TNRC6C: variants seen among roughly 807,000 people sequenced by gnomAD.
TNRC6C encodes the protein trinucleotide repeat containing adaptor 6C.
A neutral mutation model predicts 153.7 loss-of-function variants in TNRC6C; 20 were observed. That is an observed-to-expected ratio of 0.13 (90% CI 0.09 to 0.19). TNRC6C has a LOEUF of 0.19. TNRC6C is among the 10% of genes least tolerant of loss of function. TNRC6C has a pLI of 1.00. For synonymous variants in TNRC6C, 811 were observed against 841.4 expected (o/e 0.96, Z 0.63); for missense variants, 1,987 against 2,172.0 (o/e 0.91, Z 1.69).
chr17:78,052,397 G>A lies in TNRC6C; in HGVS notation c.2395+940G>A, dbSNP rs563491763. ...ATTGGGACCTGCCATGTACTAGGCT[G>A]TACTCTAGTAGCTGGGGAAACTGCA... On this transcript the variant is annotated intron_variant, in intron 3 of 19. Coordinates refer to ENST00000301624, the Ensembl canonical transcript of TNRC6C. 1.1e-4 allele frequency among the ~76,000 whole-genome samples: 16 copies of A among 152,316 alleles called. No homozygotes were observed. The East Asian group carries it at 2.9e-3, about 28-fold the overall frequency.
At chr17:78,080,937 G>A (rs577593309) in intron 10 of TNRC6C, among the ~76,000 whole-genome samples, 1 of 152,264 alleles carries the variant, frequency 6.6e-6, no homozygotes, top group South Asian at 2.1e-4. Context: ...ATTTAAATGT[G>A]TTTAGTTTGT....
upstream of TNRC6C, among the ~76,000 whole-genome samples, chr17:78,001,214 T>TA (rs1384196834): frequency 6.6e-6 from 1 of 152,202 alleles, no homozygotes; most frequent in Non-Finnish European, 1.5e-5. Flanking sequence ...TTCTTCCTAA[T>TA]AAAACTCAGT....
chr17:78,073,417 G>A (rs369288549), intron 7 of TNRC6C, among the ~76,000 whole-genome samples: 14 of 152,222 alleles, frequency 9.2e-5, no homozygotes, highest in Non-Finnish European at 1.2e-4. Flanking sequence ...CACTGAGTGC[G>A]TTCCTCGTGC....
upstream of TNRC6C, chr17:78,005,030 T>G: frequency 8.2e-7 from 1 of 1,215,742 alleles, no homozygotes; most frequent in Non-Finnish European, 1.0e-6. Flanking sequence ...GTTTCTTTCT[T>G]TCTTTCTCTC....
chr17:78,024,994 A>G (rs1205286971), intron 1 of TNRC6C, among the ~76,000 whole-genome samples: 1 of 151,464 alleles, frequency 6.6e-6, no homozygotes, highest in East Asian at 2.0e-4. Flanking sequence ...GGGTTTCACC[A>G]TGTTAGCCAG....
At chr17:78,041,050 G>T (rs1161486054) in intron 2 of TNRC6C, 1 of 152,244 alleles carries the variant, frequency 6.6e-6, no homozygotes, top group Non-Finnish European at 1.5e-5. Context: ...GAGCCTCGAT[G>T]CAGGCGTAGA....
At chr17:77,996,561 A>G (rs967844847) in intron 1 of TNRC6C, among the ~76,000 whole-genome samples, 4 of 152,200 alleles carry the variant, frequency 2.6e-5, no homozygotes, top group African/African-American at 7.2e-5. Context: ...CCCCTTGGTC[A>G]GGGGACGGCA....
At chr17:78,085,346 G>A (rs775798453) in intron 11 of TNRC6C, among the ~76,000 whole-genome samples, 32 of 152,240 alleles carry the variant, frequency 2.1e-4, no homozygotes, top group Non-Finnish European at 4.3e-4. Context: ...AGAAAAATTG[G>A]AAAAATAAAG....
chr17:77,970,216 A>C (rs2144057609), intron 1 of TNRC6C, among the ~76,000 whole-genome samples: 1 of 152,318 alleles, frequency 6.6e-6, no homozygotes, highest in East Asian at 1.9e-4. Flanking sequence ...AGTTGGAAGG[A>C]TAACAGTTTT....
At chr17:77,981,169 G>A (rs1264973961) in intron 1 of TNRC6C, among the ~76,000 whole-genome samples, 1 of 152,140 alleles carries the variant, frequency 6.6e-6, no homozygotes, top group Non-Finnish European at 1.5e-5. Context: ...TTGTAGAGGT[G>A]GGGGTCCCAC....
chr17:78,081,973 T>TTCCTTTCTTTC (rs1323138554), intron 10 of TNRC6C, among the ~76,000 whole-genome samples: 1 of 152,076 alleles, frequency 6.6e-6, no homozygotes, highest in Non-Finnish European at 1.5e-5. Flanking sequence ...TCCTTTCTTT[T>TTCCTTTCTTTC]TCCTTTCTTT....
At chr17:78,050,878 C>G in exon 3 of TNRC6C, 1 of 1,613,868 alleles carries the variant, frequency 6.2e-7, no homozygotes, top group Non-Finnish European at 8.5e-7. Flanking sequence ...ATCGTCTGTC[C>G]TTGGACACTT....
Position 78,043,772 on chromosome 17 carries a change from A to G in TNRC6C, c.-218-5073A>G, listed in dbSNP as rs533965340. Among the ~76,000 whole-genome samples, 23 of 152,228 alleles carry G rather than the reference A, an allele frequency of 1.5e-4. No individual in the cohort carries two copies. The South Asian group carries it at 4.4e-3, about 29-fold the overall frequency. The stretch of plus-strand genomic sequence containing the variant: ...CCTAGCCTCTATCTTCATAAGTTCA[A>G]TTATGTTCGTTTTTAACTCCCACAA... On this transcript the variant is annotated intron_variant, in intron 2 of 19. Coordinates refer to ENST00000301624, the Ensembl canonical transcript of TNRC6C.
intron 1 of TNRC6C, among the ~76,000 whole-genome samples, chr17:77,981,983 G>T (rs2071084842): frequency 6.6e-6 from 1 of 152,184 alleles, no homozygotes. Flanking sequence ...GTGTTAGGAG[G>T]TGGGGCCTTT....
intron 2 of TNRC6C, among the ~76,000 whole-genome samples, chr17:78,039,005 G>A (rs1256968545): frequency 1.3e-5 from 2 of 152,228 alleles, no homozygotes; most frequent in East Asian, 3.9e-4. Flanking sequence ...TGGGTAATAT[G>A]ACGTAGTACA....
intron 1 of TNRC6C, among the ~76,000 whole-genome samples, chr17:77,963,796 A>G (rs1441477794): frequency 6.6e-6 from 1 of 152,224 alleles, no homozygotes; most frequent in Non-Finnish European, 1.5e-5. Flanking sequence ...CCAGCTATGC[A>G]TTGGAACTTT....
intron 1 of TNRC6C, chr17:78,012,064 G>T (rs1250303675): frequency 6.6e-6 from 1 of 151,628 alleles, no homozygotes; most frequent in African/African-American, 2.4e-5. Context: ...GCTACAGGTT[G>T]TCTACATGCC....
At chr17:77,960,409 T>A (rs2070851975) in intron 1 of TNRC6C, among the ~76,000 whole-genome samples, 1 of 152,232 alleles carries the variant, frequency 6.6e-6, no homozygotes, top group Non-Finnish European at 1.5e-5. Context: ...TTTATGGTGA[T>A]CGCTGTGAGA....
intron 17 of TNRC6C, among the ~76,000 whole-genome samples, chr17:78,101,346 A>G (rs944360165): frequency 6.6e-6 from 1 of 152,178 alleles, no homozygotes; most frequent in East Asian, 1.9e-4. Flanking sequence ...TTTATTGTCC[A>G]TATCCTTATC....
Sources: allele counts gnomAD v4.1 joint callset (sites outside exome capture counted in the v4.1 genomes callset), GRCh38; gene constraint gnomAD v4.1.1; transcripts MANE v1.5; gene names NCBI Gene and HGNC (gene_info 2026-07-23, HGNC 2026-07-21).